KIAA1958: variants seen among roughly 807,000 people sequenced by gnomAD.
KIAA1958 encodes KIAA1958.
KIAA1958 carries 14 observed loss-of-function variants against 47.2 expected under a neutral mutation model. The observed-to-expected ratio is 0.30, with a 90% CI of 0.20 to 0.46. KIAA1958 has a LOEUF of 0.46. Ranked by LOEUF, KIAA1958 falls within the 20% of genes least tolerant of loss-of-function variation. The pLI is 1.00. For missense variants in KIAA1958, 803 were observed against 909.2 expected (o/e 0.88, Z 1.50); for synonymous variants, 354 against 353.3 (o/e 1.00, Z -0.02).
intron 1 of KIAA1958, among the ~76,000 whole-genome samples, chr9:112,563,792 C>T (rs1835378110): frequency 1.3e-5 from 2 of 151,988 alleles, no homozygotes; most frequent in South Asian, 4.2e-4. Context: ...TACAGGTGGG[C>T]ATTTTTGCCT....
chr9:112,529,974 G>C (rs1226988943), intron 1 of KIAA1958, among the ~76,000 whole-genome samples: 1 of 152,122 alleles, frequency 6.6e-6, no homozygotes, highest in Non-Finnish European at 1.5e-5. Context: ...CTCCTGAGTA[G>C]CTGGGACTAT....
At chr9:112,521,117 C>CA (rs1834534255) in intron 1 of KIAA1958, among the ~76,000 whole-genome samples, 1 of 152,096 alleles carries the variant, frequency 6.6e-6, no homozygotes, top group Admixed American at 6.5e-5. Context: ...GCATGTAAGA[C>CA]AATCCGTCTT....
intron 1 of KIAA1958, among the ~76,000 whole-genome samples, chr9:112,571,754 C>CT (rs936968009): frequency 3.3e-5 from 5 of 150,432 alleles, no homozygotes; most frequent in African/African-American, 1.2e-4. Flanking sequence ...TCAAGACCAG[C>CT]TTGGGCAACC....
At position 112,668,535 on chromosome 9, in the gene KIAA1958, C is replaced by T. The variant is rs1325954983; in HGVS notation, c.*8466C>T. On this transcript the variant is annotated 3_prime_UTR_variant, in exon 4 of 4. Transcript: ENST00000337530. ...CTAATGCTGGGTTGTTTTGTTTTTT[C>T]ATTTGCTTGCACTGGAAGGCCTTGA... The T allele has an allele frequency of 6.6e-6, 1 of 152,120 alleles. No homozygotes were observed. Among genetic ancestry groups the T allele is most frequent in the Non-Finnish European group, 1.5e-5 (1 of 68,004 alleles). 9.4% of individuals were successfully genotyped at this position (152,120 alleles called of 1,614,324 possible).
intron 3 of KIAA1958, among the ~76,000 whole-genome samples, chr9:112,652,448 T>G (rs1023158974): frequency 6.6e-6 from 1 of 152,230 alleles, no homozygotes; most frequent in Non-Finnish European, 1.5e-5. Context: ...GTTTCTTGTG[T>G]GCAAACAATA....
Position 112,662,259 on chromosome 9 carries a change from C to G in KIAA1958, c.*2190C>G, listed in dbSNP as rs1369203569. ...CAGGAGGGCGAATCTTCAGTGGCAT[C>G]TGATGGAATGAAAGAACTGTGTCTG... On this transcript the variant is annotated 3_prime_UTR_variant, in exon 4 of 4. Coordinates refer to ENST00000337530, the MANE Select transcript of KIAA1958 (RefSeq NM_133465.4). The G allele has an allele frequency of 6.6e-6, 1 of 152,186 alleles. No homozygotes were observed. The highest frequency in any genetic ancestry group is 1.5e-5 in the Non-Finnish European group (1 of 68,034). 9.4% of individuals were successfully genotyped at this position (152,186 alleles called of 1,614,324 possible). A position where few individuals can be genotyped will look rare whatever the true frequency, so the allele number is the denominator to read the frequency against.
chr9:112,637,743 A>G (rs1200583599), intron 2 of KIAA1958, among the ~76,000 whole-genome samples: 1 of 152,220 alleles, frequency 6.6e-6, no homozygotes, highest in Non-Finnish European at 1.5e-5. Context: ...TTCTTTTAGC[A>G]TACTAAAGAT....
chr9:112,614,512 T>G (rs1005223954), intron 2 of KIAA1958, among the ~76,000 whole-genome samples: 2 of 152,240 alleles, frequency 1.3e-5, no homozygotes, highest in African/African-American at 4.8e-5. Flanking sequence ...ATTATCAGTC[T>G]TCTCTAGTCT....
intron 1 of KIAA1958, among the ~76,000 whole-genome samples, chr9:112,564,090 TCTTTATTATATTGG>T (rs1301914523): frequency 1.3e-5 from 2 of 152,194 alleles, no homozygotes; most frequent in African/African-American, 4.8e-5. Flanking sequence ...TCTATAATTG[TCTTTATTATATTGG>T]CTTTGTCAGG....
intron 1 of KIAA1958, among the ~76,000 whole-genome samples, chr9:112,503,822 C>T (rs1302313580): frequency 6.6e-6 from 1 of 151,772 alleles, no homozygotes; most frequent in African/African-American, 2.4e-5. Context: ...TTCCATTTTC[C>T]CTCCTTCCCT....
chr9:112,538,273 G>A (rs1345216825), intron 1 of KIAA1958, among the ~76,000 whole-genome samples: 1 of 152,106 alleles, frequency 6.6e-6, no homozygotes, highest in Non-Finnish European at 1.5e-5. Flanking sequence ...GATTGCTTGA[G>A]TCCAGGAGGT....
chr9:112,653,744 A>G (rs947835280), intron 3 of KIAA1958, among the ~76,000 whole-genome samples: 2 of 152,306 alleles, frequency 1.3e-5, no homozygotes, highest in East Asian at 1.9e-4. Flanking sequence ...TACTAAAAAT[A>G]TAACAATTAG....
At chr9:112,595,220 A>G (rs1185881535) in intron 2 of KIAA1958, among the ~76,000 whole-genome samples, 2 of 152,252 alleles carry the variant, frequency 1.3e-5, no homozygotes, top group Admixed American at 6.5e-5. Context: ...ACAATTAGAT[A>G]CAAGATAATC....
Position 112,627,440 on chromosome 9 carries a change from A to T in KIAA1958, c.1172-18210A>T, listed in dbSNP as rs1254783765. Among the ~76,000 whole-genome samples the T allele has an allele frequency of 3.3e-5, 5 of 152,178 alleles. No individual in the cohort carries two copies. The South Asian group carries it at 6.2e-4, about 19-fold the overall frequency. Reference sequence around the variant, plus strand: ...TTATTTTTGTTGGCTATCATGGCTTATTGTTTGAATTTCATTTAATAACAA... The same window carrying T: ...TTATTTTTGTTGGCTATCATGGCTTTTTGTTTGAATTTCATTTAATAACAA... On this transcript the variant is annotated intron_variant, in intron 2 of 3. Transcript: ENST00000337530.
intron 1 of KIAA1958, among the ~76,000 whole-genome samples, chr9:112,546,747 A>G (rs532569677): frequency 6.6e-6 from 1 of 152,156 alleles, no homozygotes; most frequent in East Asian, 1.9e-4. Context: ...TCAGAGTTCT[A>G]TGTCCTCTCT....
intron 2 of KIAA1958, among the ~76,000 whole-genome samples, chr9:112,610,281 G>A (rs561715978): frequency 1.3e-5 from 2 of 151,246 alleles, no homozygotes; most frequent in South Asian, 4.2e-4. Flanking sequence ...AAATAAGTAG[G>A]AAAAGAAATT....
chr9:112,488,449 C>T (rs1034141260), intron 1 of KIAA1958, among the ~76,000 whole-genome samples: 3 of 152,090 alleles, frequency 2.0e-5, no homozygotes, highest in African/African-American at 7.2e-5. Flanking sequence ...TTTACAGATT[C>T]AGATTTTTAA....
chr9:112,576,675 C>A (rs1263845965), intron 2 of KIAA1958, among the ~76,000 whole-genome samples: 1 of 152,184 alleles, frequency 6.6e-6, no homozygotes, highest in African/African-American at 2.4e-5. Flanking sequence ...TGTAGCGTTT[C>A]TTTCCTTTTT....
chr9:112,515,259 T>TG (rs1191534570), intron 1 of KIAA1958, among the ~76,000 whole-genome samples: 1 of 66,090 alleles, frequency 1.5e-5, no homozygotes, highest in Admixed American at 1.5e-4. Context: ...GGGAGGGAGG[T>TG]GGGGGGGTCA....
Sources: gnomAD v4.1 joint callset for allele counts (sites outside exome capture counted in the v4.1 genomes callset) on GRCh38, gnomAD v4.1.1 for gene constraint, MANE v1.5 for transcripts, NCBI Gene and HGNC (gene_info 2026-07-23, HGNC 2026-07-21) for gene names.